WWOX: variants seen among roughly 807,000 people sequenced by gnomAD.
WWOX encodes WW domain-containing oxidoreductase.
WWOX carries 69 observed loss-of-function variants against 46.2 expected under a neutral mutation model. That is an observed-to-expected ratio of 1.49 (90% CI 1.23 to 1.82). The LOEUF (loss-of-function observed/expected upper bound fraction) is 1.82. Ranked by LOEUF, WWOX falls within the 40% of genes most tolerant of loss-of-function variation. The pLI is 0.00. For synonymous variants in WWOX, 359 were observed against 202.6 expected, an observed-to-expected ratio of 1.77 and a Z score of -6.56; for missense variants, 919 against 542.6, an observed-to-expected ratio of 1.69 and a Z score of -6.89.
At chr16:78,354,619 C>CT (rs1170325017) in intron 5 of WWOX, among the ~76,000 whole-genome samples, 1 of 152,006 alleles carries the variant, frequency 6.6e-6, no homozygotes, top group Non-Finnish European at 1.5e-5. Flanking sequence ...TATTCTTAAG[C>CT]TTTCTGAATT....
chr16:78,860,852 T>G (rs1011701446), intron 8 of WWOX, among the ~76,000 whole-genome samples: 2 of 152,160 alleles, frequency 1.3e-5, no homozygotes, highest in African/African-American at 2.4e-5. Context: ...TTGTTTTGTT[T>G]TTGAGATAGG....
intron 8 of WWOX, among the ~76,000 whole-genome samples, chr16:79,085,357 G>T (rs1434232973): frequency 1.3e-5 from 2 of 152,192 alleles, no homozygotes; most frequent in Non-Finnish European, 2.9e-5. Context: ...TGAGGTTGAA[G>T]TGGACAGATG....
At chr16:78,595,020 C>T (rs2045453607) in intron 8 of WWOX, among the ~76,000 whole-genome samples, 1 of 152,182 alleles carries the variant, frequency 6.6e-6, no homozygotes, top group Admixed American at 6.5e-5. Flanking sequence ...GCCCAGGGAA[C>T]CAGAGTGGTT....
chr16:78,711,892 C>G (rs1033228738), intron 8 of WWOX, among the ~76,000 whole-genome samples: 1 of 152,126 alleles, frequency 6.6e-6, no homozygotes, highest in Non-Finnish European at 1.5e-5. Context: ...CACGCGCCAT[C>G]TAAATTAATC....
At chr16:78,853,001 G>A (rs143334437) in intron 8 of WWOX, among the ~76,000 whole-genome samples, 140 of 152,240 alleles carry the variant, frequency 9.2e-4, no homozygotes, top group Non-Finnish European at 1.8e-3. Context: ...GTGTTGATTT[G>A]CCCGGGGTCA....
intron 8 of WWOX, among the ~76,000 whole-genome samples, chr16:78,915,159 TC>T (rs765383284): frequency 1.1e-4 from 16 of 152,140 alleles, no homozygotes; most frequent in Non-Finnish European, 2.1e-4. Flanking sequence ...TCTCCAGTTT[TC>T]TTCATGTGCC....
At chr16:79,133,077 C>A (rs1481119478) in intron 8 of WWOX, among the ~76,000 whole-genome samples, 1 of 152,168 alleles carries the variant, frequency 6.6e-6, no homozygotes, top group Non-Finnish European at 1.5e-5. Context: ...ATGCAAGTGA[C>A]CTTTCTAGGG....
intron 8 of WWOX, among the ~76,000 whole-genome samples, chr16:78,657,363 T>G (rs144157844): frequency 1.3e-5 from 2 of 152,234 alleles, no homozygotes; most frequent in African/African-American, 4.8e-5. Flanking sequence ...TTCCTCATAG[T>G]TCTCCCCCAT....
intron 8 of WWOX, among the ~76,000 whole-genome samples, chr16:78,455,643 C>CAAAAAAAAAAAAAAAAAAAAAAAAAA (rs57754374): frequency 1.7e-5 from 1 of 60,508 alleles, no homozygotes; most frequent in Non-Finnish European, 2.8e-5. Flanking sequence ...GACTCTGTCT[C>CAAAAAAAAAAAAAAAAAAAAAAAAAA]AAAAAAAAAA....
chr16:78,979,597 G>C (rs989559702), intron 8 of WWOX, among the ~76,000 whole-genome samples: 2 of 152,244 alleles, frequency 1.3e-5, no homozygotes, highest in South Asian at 4.1e-4. Flanking sequence ...AGAGAGGAGA[G>C]TCAAATGGGA....
At chr16:78,206,421 G>A (rs1167208655) in intron 5 of WWOX, among the ~76,000 whole-genome samples, 6 of 152,120 alleles carry the variant, frequency 3.9e-5, no homozygotes. Context: ...GTATTTTAGG[G>A]TTTCTAAGAT....
At chr16:78,674,407 C>T (rs763754696) in intron 8 of WWOX, among the ~76,000 whole-genome samples, 1 of 151,892 alleles carries the variant, frequency 6.6e-6, no homozygotes. Context: ...GCCTCAGCCT[C>T]CTGAGTAGCT....
chr16:78,425,816 C>A (rs908481225), intron 7 of WWOX, among the ~76,000 whole-genome samples: 1 of 151,990 alleles, frequency 6.6e-6, no homozygotes, highest in Non-Finnish European at 1.5e-5. Context: ...GCGGGGGGAA[C>A]TTACACTCTT....
chr16:78,278,941 G>T (rs2079629386), intron 5 of WWOX, among the ~76,000 whole-genome samples: 1 of 152,082 alleles, frequency 6.6e-6, no homozygotes, highest in African/African-American at 2.4e-5. Flanking sequence ...ATAAGTGTGT[G>T]TGTTTTAAAT....
chr16:78,816,186 C>A (rs2051325550), intron 8 of WWOX, among the ~76,000 whole-genome samples: 1 of 152,102 alleles, frequency 6.6e-6, no homozygotes, highest in South Asian at 2.1e-4. Context: ...TCTGATAAAC[C>A]CTCTGATAAA....
intron 8 of WWOX, among the ~76,000 whole-genome samples, chr16:79,003,262 G>T (rs1335969624): frequency 6.6e-6 from 1 of 152,114 alleles, no homozygotes; most frequent in African/African-American, 2.4e-5. Context: ...ATAAAAATAG[G>T]CAATGAAACT....
chr16:78,673,692 A>G (rs1241010151), intron 8 of WWOX, among the ~76,000 whole-genome samples: 2 of 152,238 alleles, frequency 1.3e-5, no homozygotes, highest in Non-Finnish European at 2.9e-5. Context: ...AAATTGCCAA[A>G]CAAGTCAAGA....
At chr16:78,678,773 T>A (rs28685224) in intron 8 of WWOX, among the ~76,000 whole-genome samples, 1 of 152,172 alleles carries the variant, frequency 6.6e-6, no homozygotes, top group Non-Finnish European at 1.5e-5. Flanking sequence ...AGATCTCTTC[T>A]TGTGCGTGGC....
At chr16:78,328,790 C>G (rs1012808711) in intron 5 of WWOX, among the ~76,000 whole-genome samples, 1 of 152,078 alleles carries the variant, frequency 6.6e-6, no homozygotes, top group Admixed American at 6.6e-5. Context: ...TTTTCCTGGC[C>G]TTGGTCTCAG....
Sources: allele counts gnomAD v4.1 joint callset (sites outside exome capture counted in the v4.1 genomes callset), GRCh38; gene constraint gnomAD v4.1.1; transcripts MANE v1.5; gene names NCBI Gene and HGNC (gene_info 2026-07-23, HGNC 2026-07-21).